Variants in C5orf47 observed in about 807,000 individuals in gnomAD.
The protein encoded by C5orf47 is chromosome 5 open reading frame 47.
In C5orf47, 20 loss-of-function variants were observed where a neutral mutation model predicts 20.6. That is an observed-to-expected ratio of 0.97 (90% confidence interval 0.68 to 1.41). The LOEUF (loss-of-function observed/expected upper bound fraction) is 1.41, where lower values mean the gene tolerates loss of function less well. C5orf47 is among the 40% of genes most tolerant of loss of function. C5orf47 has a pLI of 0.00. For synonymous variants in C5orf47, 106 were observed against 97.3 expected (o/e 1.09, Z -0.53); for missense variants, 262 against 238.4 (o/e 1.10, Z -0.65).
At chr5:173,994,895 C>G (rs544111416) in intron 1 of C5orf47, among the ~76,000 whole-genome samples, 12 of 151,346 alleles carry the variant, frequency 7.9e-5, no homozygotes, top group Admixed American at 7.2e-4. Flanking sequence ...CTCACTGCAA[C>G]CTCTGCCTCC....
chr5:174,002,827 G>C (rs1242024236), intron 4 of C5orf47, among the ~76,000 whole-genome samples: 4 of 152,072 alleles, frequency 2.6e-5, no homozygotes, highest in African/African-American at 9.7e-5. Flanking sequence ...GTGTTTAGCT[G>C]TTGTGTCTGT....
rs942206856 is a variant in C5orf47 at position 174,004,532 on chromosome 5, C to A, written c.*278C>A. On this transcript the variant is annotated 3_prime_UTR_variant, in exon 5 of 5. Transcript: ENST00000340147. ...CTTATTCTACATACTTTTAAATTAACCTCATACATAAAATTAAATTAGCAT... is the reference window on the plus strand; with the variant it reads ...CTTATTCTACATACTTTTAAATTAAACTCATACATAAAATTAAATTAGCAT... 3 of 152,312 alleles carry A rather than the reference C, an allele frequency of 2.0e-5. No individual in the cohort carries two copies. Among genetic ancestry groups the A allele is most frequent in the Admixed American group, 2.0e-4 (3 of 15,288 alleles). 9.4% of individuals were successfully genotyped at this position (152,312 alleles called of 1,614,324 possible). A position where few individuals can be genotyped will look rare whatever the true frequency, so the allele number is the denominator to read the frequency against.
rs1759251728 is a variant in C5orf47 at position 174,004,464 on chromosome 5, A to G, written c.*210A>G. 1 of 152,224 alleles carries G rather than the reference A, an allele frequency of 6.6e-6. No individual in the cohort carries two copies. Among genetic ancestry groups the G allele is most frequent in the Non-Finnish European group, 1.5e-5 (1 of 68,008 alleles). The allele number at this position is 152,224 out of a possible 1,614,324, so 9.4% of individuals were successfully genotyped here. On this transcript the variant is annotated 3_prime_UTR_variant, in exon 5 of 5. Transcript: ENST00000340147. ...TACTTAATAATACCTTTAGTTAAAT[A>G]TTGTTAACCATATGCATGCAAGTGT...
intron 1 of C5orf47, among the ~76,000 whole-genome samples, chr5:173,991,442 G>A (rs1758995566): frequency 6.6e-6 from 1 of 151,434 alleles, no homozygotes; most frequent in Non-Finnish European, 1.5e-5. Flanking sequence ...TACTGGCTAT[G>A]TGACTAAGGA....
At chr5:173,989,923 A>G (rs564456687) in intron 1 of C5orf47, among the ~76,000 whole-genome samples, 2 of 152,262 alleles carry the variant, frequency 1.3e-5, no homozygotes, top group African/African-American at 4.8e-5. Context: ...TGACTTCCGG[A>G]TGCTGTTGAG....
In C5orf47 at chr5:174,001,322, A is replaced by C. The variant is rs550587675; in HGVS notation, c.*16+91A>C. Reference sequence around the variant, plus strand: ...CTTCTCCAAACATTAGTGTATAACCAATCATTGCTAATTCCAGCCTATTTC... The same window carrying C: ...CTTCTCCAAACATTAGTGTATAACCCATCATTGCTAATTCCAGCCTATTTC... On this transcript the variant is annotated intron_variant, in intron 4 of 4. Transcript: ENST00000340147. The C allele has an allele frequency of 5.7e-5, 40 of 703,632 alleles. No homozygotes were observed. In the African/African-American group the frequency reaches 6.2e-4, roughly 11 times the overall value. The allele number at this position is 703,632 out of a possible 1,614,324, so 43.6% of individuals were successfully genotyped here. A position where few individuals can be genotyped will look rare whatever the true frequency, so the allele number is the denominator to read the frequency against.
Position 174,005,827 on chromosome 5 carries a change from T to G in C5orf47, c.*1573T>G, listed in dbSNP as rs564113857. 1 of 152,462 alleles carries G rather than the reference T, an allele frequency of 6.6e-6. No homozygotes were observed. Among genetic ancestry groups the G allele is most frequent in the Admixed American group, 6.5e-5 (1 of 15,298 alleles). 9.4% of individuals were successfully genotyped at this position (152,462 alleles called of 1,614,324 possible). A position where few individuals can be genotyped will look rare whatever the true frequency, so the allele number is the denominator to read the frequency against. On this transcript the variant is annotated 3_prime_UTR_variant, in exon 5 of 5. Coordinates refer to ENST00000340147, the MANE Select transcript of C5orf47 (RefSeq NM_001144954.2). ...TTAATTTATTAGGTATATCAATATT[T>G]GTTAGATTTAAAATAAGAGTCTAAT...
In C5orf47 at chr5:173,989,392, G is replaced by A; in HGVS notation, c.129G>A (p.Gln43=). 2.6e-6 allele frequency: 4 copies of A among 1,541,806 alleles called. No individual in the cohort carries two copies. The highest frequency in any genetic ancestry group is 3.5e-6 in the Non-Finnish European group (4 of 1,142,174). Residue 43 remains glutamine, a synonymous_variant, in exon 1 of 5, where the codon CAG becomes CAA. Transcript: ENST00000340147. ...GTGGAGCTCAAGGCCTTTGGGGTCA[G>A]GGGCCTGGGGCAGGCTGTCGCCAGG... is the stretch of plus-strand genomic sequence containing the variant. The part of the protein sequence containing the change: ...GGRGAQGLWG[Q]GPGAGCRQEK...
chr5:174,000,752 C>T (rs991754468), intron 3 of C5orf47, among the ~76,000 whole-genome samples: 19 of 152,040 alleles, frequency 1.2e-4, no homozygotes, highest in Non-Finnish European at 1.6e-4. Context: ...ATGTGTTTCA[C>T]TTTGCTTATC....
chr5:173,994,609 G>A (rs575321426), intron 1 of C5orf47, among the ~76,000 whole-genome samples: 1 of 152,254 alleles, frequency 6.6e-6, no homozygotes, highest in East Asian at 1.9e-4. Context: ...AAAGAGAGAA[G>A]GAAGAATTGC....
chr5:173,996,682 TTTAAA>T (rs1049176928), intron 1 of C5orf47, among the ~76,000 whole-genome samples: 9 of 152,216 alleles, frequency 5.9e-5, no homozygotes, highest in Non-Finnish European at 7.3e-5. Context: ...TTTAGAACAC[TTTAAA>T]TTATTACTTC....
intron 3 of C5orf47, among the ~76,000 whole-genome samples, chr5:174,000,173 T>C (rs1240985679): frequency 6.6e-6 from 1 of 152,122 alleles, no homozygotes; most frequent in East Asian, 1.9e-4. Flanking sequence ...AAATTATACA[T>C]TGTGTCACTT....
chr5:173,989,377 A>G lies in C5orf47; in HGVS notation c.114A>G (p.Gln38=), dbSNP rs1403630706. The G allele has an allele frequency of 1.0e-5, 16 of 1,532,230 alleles. No individual in the cohort carries two copies. The highest frequency in any genetic ancestry group is 1.3e-5 in the Non-Finnish European group (15 of 1,137,548). 94.9% of individuals were successfully genotyped at this position (1,532,230 alleles called of 1,614,324 possible). A position where few individuals can be genotyped will look rare whatever the true frequency, so the allele number is the denominator to read the frequency against. The change falls in exon 1 of 5, where the codon CAA becomes CAG. Residue 38 remains glutamine, a synonymous_variant. Coordinates refer to ENST00000340147, the MANE Select transcript of C5orf47 (RefSeq NM_001144954.2). ...GVLQLGGRGA[Q]GLWGQGPGAG... is the part of the protein sequence containing the mutation. ...TGCAACTGGGCGGCCGTGGAGCTCAAGGCCTTTGGGGTCAGGGGCCTGGGG... is the reference window on the plus strand; with the variant it reads ...TGCAACTGGGCGGCCGTGGAGCTCAGGGCCTTTGGGGTCAGGGGCCTGGGG...
intron 1 of C5orf47, among the ~76,000 whole-genome samples, chr5:173,997,208 C>T (rs2113366299): frequency 6.6e-6 from 1 of 152,086 alleles, no homozygotes; most frequent in African/African-American, 2.4e-5. Context: ...CCCTGGAAAG[C>T]TAAGTATTGA....
intron 1 of C5orf47, among the ~76,000 whole-genome samples, chr5:173,995,698 T>G (rs1195289078): frequency 6.6e-6 from 1 of 152,188 alleles, no homozygotes; most frequent in East Asian, 1.9e-4. Flanking sequence ...GAAGGGAAGA[T>G]GGTGATTAGC....
At chr5:173,995,617 G>T (rs1035502008) in intron 1 of C5orf47, among the ~76,000 whole-genome samples, 2 of 152,224 alleles carry the variant, frequency 1.3e-5, no homozygotes, top group African/African-American at 4.8e-5. Flanking sequence ...AATACATGCA[G>T]AGTGCCTAGC....
chr5:174,000,066 T>C (rs1210541094), intron 3 of C5orf47, among the ~76,000 whole-genome samples: 16 of 152,106 alleles, frequency 1.1e-4, no homozygotes, highest in Admixed American at 1.0e-3. Flanking sequence ...AAAGGGAACA[T>C]ACTTTTCTGT....
Position 174,003,588 on chromosome 5 carries a change from CAT to C in C5orf47, c.*17-680_*17-679del, listed in dbSNP as rs146895571. 3.6e-3 allele frequency among the ~76,000 whole-genome samples: 555 copies of C among 152,204 alleles called. 7 individuals carry two copies. Among genetic ancestry groups the C allele is most frequent in the African/African-American group, 0.013 (532 of 41,514 alleles). ...TGTGATATCTGTAGTGCATAAAGGT[CAT>C]ATGTAGTTCTAACAGTAGATGTAGA... On this transcript the variant is annotated intron_variant, in intron 4 of 4. Coordinates refer to ENST00000340147, the MANE Select transcript of C5orf47 (RefSeq NM_001144954.2).
chr5:173,994,259 G>A (rs1184054355), intron 1 of C5orf47, among the ~76,000 whole-genome samples: 5 of 152,232 alleles, frequency 3.3e-5, no homozygotes, highest in Non-Finnish European at 7.3e-5. Context: ...GATTTGCAGA[G>A]CATACTTCTC....
Sources: allele counts gnomAD v4.1 joint callset (sites outside exome capture counted in the v4.1 genomes callset), GRCh38; gene constraint gnomAD v4.1.1; transcripts MANE v1.5; gene names NCBI Gene and HGNC (gene_info 2026-07-23, HGNC 2026-07-21).